Variants in GALNT13 observed in about 807,000 individuals in gnomAD.
GALNT13 encodes the protein polypeptide N-acetylgalactosaminyltransferase 13, also known as UDP-GalNAc:polypeptide N-acetylgalactosaminyltransferase 13.
Under a neutral mutation model 64.2 loss-of-function variants are expected in GALNT13, and 28 were observed. The observed-to-expected ratio is 0.44, with a 90% CI of 0.32 to 0.60. The LOEUF (loss-of-function observed/expected upper bound fraction) is 0.60. Among genes scored for constraint, GALNT13 ranks in the 20% least tolerant of loss-of-function variants. The pLI is 0.05. For missense variants in GALNT13, 577 were observed against 669.8 expected, an observed-to-expected ratio of 0.86 and a Z score of 1.53; for synonymous variants, 214 against 224.6, an observed-to-expected ratio of 0.95 and a Z score of 0.42.
the GALNT13 span, among the ~76,000 whole-genome samples, chr2:153,317,343 G>A: frequency 6.6e-6 from 1 of 152,074 alleles, no homozygotes; most frequent in Admixed American, 6.6e-5. Flanking sequence ...TATCTTTAAA[G>A]TTCTTGGTGG....
At chr2:153,359,091 A>C in the GALNT13 span, among the ~76,000 whole-genome samples, 1 of 152,194 alleles carries the variant, frequency 6.6e-6, no homozygotes, top group Non-Finnish European at 1.5e-5. Flanking sequence ...ATTTATGTAT[A>C]GTATTCCATT....
At chr2:154,237,872 G>C (rs915711636) in intron 4 of GALNT13, among the ~76,000 whole-genome samples, 1 of 151,814 alleles carries the variant, frequency 6.6e-6, no homozygotes, top group African/African-American at 2.4e-5. Flanking sequence ...ATTGTCTGAA[G>C]AGAACAAGAT....
At chr2:154,067,046 G>C (rs1700505352) in intron 3 of GALNT13, among the ~76,000 whole-genome samples, 2 of 151,952 alleles carry the variant, frequency 1.3e-5, no homozygotes, top group Admixed American at 1.3e-4. Flanking sequence ...TTGTTTGCTT[G>C]TTTTTGTTAA....
intron 3 of GALNT13, 131 bp downstream of exon 3, chr2:153,944,770 T>A (rs1691590432): frequency 1.5e-6 from 1 of 683,320 alleles, no homozygotes. Context: ...GCACTATTAA[T>A]GCATGTTTAA....
chr2:154,284,733 C>G (rs982319790), intron 8 of GALNT13, among the ~76,000 whole-genome samples: 1 of 152,086 alleles, frequency 6.6e-6, no homozygotes, highest in Non-Finnish European at 1.5e-5. Context: ...TGGATCATAT[C>G]GTAATTCCAG....
At chr2:154,350,840 A>C (rs927352796) in intron 9 of GALNT13, among the ~76,000 whole-genome samples, 1 of 152,170 alleles carries the variant, frequency 6.6e-6, no homozygotes, top group Non-Finnish European at 1.5e-5. Context: ...GCAAAAACTT[A>C]AGAGAACTTC....
chr2:154,332,145 A>T (rs77810064), intron 9 of GALNT13, among the ~76,000 whole-genome samples: 4,807 of 152,218 alleles, frequency 0.032, 103 homozygotes, highest in Middle Eastern at 0.065. Flanking sequence ...ATATACCCTT[A>T]TGACCTTGTC....
At chr2:153,788,552 A>G in the GALNT13 span, among the ~76,000 whole-genome samples, 2 of 152,208 alleles carry the variant, frequency 1.3e-5, no homozygotes, top group Admixed American at 6.5e-5. Context: ...ACAAGTTGAC[A>G]TAATAAACAG....
chr2:154,087,837 T>C (rs1020909820), intron 3 of GALNT13, among the ~76,000 whole-genome samples: 2 of 142,222 alleles, frequency 1.4e-5, no homozygotes, highest in Non-Finnish European at 3.2e-5. Flanking sequence ...CTCACAACTA[T>C]TCATATTTCT....
intron 3 of GALNT13, among the ~76,000 whole-genome samples, chr2:154,097,889 A>G (rs1328301115): frequency 6.6e-6 from 1 of 152,040 alleles, no homozygotes; most frequent in Non-Finnish European, 1.5e-5. Flanking sequence ...TACCATGTGT[A>G]ATTTAAAAAT....
At position 154,049,118 on chromosome 2, in the gene GALNT13, A is replaced by G. The variant is rs376689407; in HGVS notation, c.143-91219A>G. ...TCTGTCATCCCTTTGTAGTCCATCA[A>G]AATGATTAATGCCTGTCAGTTGCCA... On this transcript the variant is annotated intron_variant, in intron 3 of 12. Coordinates refer to ENST00000392825, the MANE Select transcript of GALNT13 (RefSeq NM_052917.4). Among the ~76,000 whole-genome samples the G allele has an allele frequency of 1.2e-3, 180 of 152,146 alleles. 1 individual carries two copies. In the Middle Eastern group the frequency reaches 0.02, roughly 17 times the overall value.
chr2:153,807,602 C>A, the GALNT13 span, among the ~76,000 whole-genome samples: 1 of 151,934 alleles, frequency 6.6e-6, no homozygotes, highest in Non-Finnish European at 1.5e-5. Flanking sequence ...TATGCCAGAC[C>A]TTTTCCCATC....
chr2:154,268,127 G>C (rs959367592), intron 8 of GALNT13, among the ~76,000 whole-genome samples: 1 of 152,158 alleles, frequency 6.6e-6, no homozygotes, highest in African/African-American at 2.4e-5. Flanking sequence ...CATACAAAGA[G>C]TTGTATGCCA....
At chr2:154,328,878 T>C (rs998389352) in intron 9 of GALNT13, among the ~76,000 whole-genome samples, 2 of 152,180 alleles carry the variant, frequency 1.3e-5, no homozygotes, top group Non-Finnish European at 2.9e-5. Context: ...GTAAATGCAA[T>C]TGATGTGCTT....
At chr2:153,784,733 A>G in the GALNT13 span, among the ~76,000 whole-genome samples, 29 of 152,304 alleles carry the variant, frequency 1.9e-4, no homozygotes, top group Admixed American at 1.6e-3. Context: ...AGTGACGTCT[A>G]TAGGCCCCAC....
the GALNT13 span, among the ~76,000 whole-genome samples, chr2:153,372,789 T>C: frequency 6.6e-6 from 1 of 152,212 alleles, no homozygotes; most frequent in Non-Finnish European, 1.5e-5. Context: ...ATCCTGAGCA[T>C]CATATGGGTT....
chr2:153,587,133 C>G, the GALNT13 span, among the ~76,000 whole-genome samples: 1 of 151,420 alleles, frequency 6.6e-6, no homozygotes, highest in South Asian at 2.1e-4. Context: ...ACTCCGGAGG[C>G]CTAGACACAA....
At chr2:153,973,317 AATGTGTCAACATC>A (rs1402587047) in intron 3 of GALNT13, among the ~76,000 whole-genome samples, 1 of 151,940 alleles carries the variant, frequency 6.6e-6, no homozygotes, top group African/African-American at 2.4e-5. Flanking sequence ...CTTTTTCTGA[AATGTGTCAACATC>A]ATCCTATCTG....
intron 3 of GALNT13, among the ~76,000 whole-genome samples, chr2:154,048,818 G>T (rs1323121364): frequency 2.0e-5 from 3 of 152,034 alleles, no homozygotes; most frequent in Non-Finnish European, 4.4e-5. Context: ...TTAGAATTGG[G>T]AGTAGGAGGG....
Sources: gnomAD v4.1 joint callset for allele counts (sites outside exome capture counted in the v4.1 genomes callset) on GRCh38, gnomAD v4.1.1 for gene constraint, MANE v1.5 for transcripts, NCBI Gene and HGNC (gene_info 2026-07-23, HGNC 2026-07-21) for gene names.